Variants in XPNPEP3 observed in about 807,000 individuals in gnomAD.
XPNPEP3 encodes the protein xaa-Pro aminopeptidase 3.
XPNPEP3 carries 41 observed loss-of-function variants against 60.0 expected under a neutral mutation model. The ratio of observed to expected loss-of-function variants is 0.68; its 90% CI spans 0.53 to 0.89. The LOEUF is 0.89. Ranked by LOEUF, XPNPEP3 falls within the 40% of genes least tolerant of loss-of-function variation. The probability of loss-of-function intolerance (pLI) is 0.00; values close to 1 mark genes in which losing one functional copy is unlikely to be tolerated. For synonymous variants in XPNPEP3, 212 were observed against 223.2 expected, an observed-to-expected ratio of 0.95 and a Z score of 0.45; for missense variants, 598 against 638.9, an observed-to-expected ratio of 0.94 and a Z score of 0.69.
chr22:40,899,911 C>T (rs563434732), intron 4 of XPNPEP3, among the ~76,000 whole-genome samples: 64 of 151,828 alleles, frequency 4.2e-4, no homozygotes, highest in African/African-American at 1.3e-3. Flanking sequence ...TGGCATATGC[C>T]TGTAATCCCG....
At chr22:40,908,980 AG>A in intron 5 of XPNPEP3, 141 bp from the exon 6 acceptor site, 2 of 710,008 alleles carry the variant, frequency 2.8e-6, no homozygotes, top group East Asian at 5.3e-5. Flanking sequence ...ACAGCATAAA[AG>A]GTTTGGTTAG....
intron 9 of XPNPEP3, 148 bp from the exon 10 acceptor site, chr22:40,926,121 C>T: frequency 1.2e-6 from 1 of 806,190 alleles, no homozygotes; most frequent in Non-Finnish European, 2.1e-6. Context: ...TGTATTATCT[C>T]ATTTAATCCT....
chr22:40,889,922 T>C (rs1037908441), intron 4 of XPNPEP3, among the ~76,000 whole-genome samples: 3 of 152,226 alleles, frequency 2.0e-5, no homozygotes, highest in Non-Finnish European at 2.9e-5. Flanking sequence ...AATTACACTT[T>C]CTTGTGTTTT....
intron 4 of XPNPEP3, among the ~76,000 whole-genome samples, chr22:40,891,272 A>G (rs542639037): frequency 2.0e-5 from 3 of 151,666 alleles, no homozygotes; most frequent in African/African-American, 7.3e-5. Flanking sequence ...ACATGGGAAG[A>G]TCACTTGAGC....
chr22:40,901,396 G>A (rs1257367231), intron 4 of XPNPEP3, among the ~76,000 whole-genome samples: 1 of 151,872 alleles, frequency 6.6e-6, no homozygotes, highest in African/African-American at 2.4e-5. Flanking sequence ...CACCACGCCC[G>A]GCTAATTTTT....
At chr22:40,860,638 T>C in intron 1 of XPNPEP3, 3 of 1,317,700 alleles carry the variant, frequency 2.3e-6, no homozygotes, top group South Asian at 1.5e-5. Context: ...AAAAAACTCA[T>C]TGCAGTTTTC....
At chr22:40,868,731 A>G (rs974278673) in intron 1 of XPNPEP3, among the ~76,000 whole-genome samples, 13 of 152,052 alleles carry the variant, frequency 8.5e-5, no homozygotes, top group African/African-American at 2.9e-4. Flanking sequence ...CTGTAATCCC[A>G]GCTATGTAGG....
chr22:40,886,405 A>G lies in XPNPEP3; in HGVS notation c.682A>G (p.Lys228Glu), dbSNP rs1450621768. ...GCAGCCCCTGACTGAGGCCAAAGCCAAGAGCAAGAACAAGGTTCGGGGTGT... is the reference window on the plus strand; with the variant it reads ...GCAGCCCCTGACTGAGGCCAAAGCCGAGAGCAAGAACAAGGTTCGGGGTGT... ...YMQPLTEAKA[K>E]SKNKVRGVQQ... Residue 228 changes from lysine to glutamate, a missense_variant, in exon 4 of 10, where the codon AAG becomes GAG. By Grantham distance (56) the Lys-to-Glu change is moderately conservative (BLOSUM62 1). Coordinates refer to ENST00000357137, the MANE Select transcript of XPNPEP3 (RefSeq NM_022098.4). The G allele has an allele frequency of 1.2e-6, 2 of 1,614,176 alleles. No individual in the cohort carries two copies. The highest frequency in any genetic ancestry group is 1.7e-6 in the Non-Finnish European group (2 of 1,180,034).
At chr22:40,878,854 C>G (rs1569018947) in intron 2 of XPNPEP3, among the ~76,000 whole-genome samples, 1 of 152,038 alleles carries the variant, frequency 6.6e-6, no homozygotes, top group Non-Finnish European at 1.5e-5. Flanking sequence ...TCTCAAAGTG[C>G]TAGGATTATA....
intron 6 of XPNPEP3, among the ~76,000 whole-genome samples, chr22:40,912,396 C>G (rs756893569): frequency 2.2e-4 from 33 of 152,202 alleles, no homozygotes; most frequent in Admixed American, 5.9e-4. Context: ...CTTCCTAAGA[C>G]AGTTTCATAA....
At chr22:40,919,932 A>G (rs973261869) in intron 7 of XPNPEP3, among the ~76,000 whole-genome samples, 13 of 152,214 alleles carry the variant, frequency 8.5e-5, no homozygotes, top group Admixed American at 6.5e-4. Context: ...CTCACTGAGC[A>G]TAGATTATGT....
chr22:40,914,438 T>G, intron 7 of XPNPEP3, 114 bp downstream of exon 7: 1 of 929,636 alleles, frequency 1.1e-6, no homozygotes, highest in Non-Finnish European at 1.7e-6. Flanking sequence ...CCTGGTCAAG[T>G]TAGGTTGCAA....
chr22:40,895,300 A>C (rs2058103401), intron 4 of XPNPEP3, among the ~76,000 whole-genome samples: 1 of 150,114 alleles, frequency 6.7e-6, no homozygotes, highest in South Asian at 2.1e-4. Flanking sequence ...ATTGAAATGC[A>C]TTTCTTTTTT....
chr22:40,873,106 T>C (rs1342140068), intron 2 of XPNPEP3, among the ~76,000 whole-genome samples: 54 of 132,180 alleles, frequency 4.1e-4, no homozygotes, highest in African/African-American at 1.5e-3. Flanking sequence ...TTCTTTTTTT[T>C]TTTTTTTTTT....
chr22:40,915,200 A>G (rs2058191967), intron 7 of XPNPEP3, among the ~76,000 whole-genome samples: 1 of 151,936 alleles, frequency 6.6e-6, no homozygotes, highest in African/African-American at 2.4e-5. Context: ...ACAGGCACCC[A>G]CCACCACGCC....
intron 2 of XPNPEP3, among the ~76,000 whole-genome samples, chr22:40,877,373 T>A (rs1335104390): frequency 6.6e-6 from 1 of 152,208 alleles, no homozygotes; most frequent in Admixed American, 6.5e-5. Context: ...AAAATTCTAA[T>A]CTAGTTAGTT....
Position 40,869,046 on chromosome 22 carries a change from G to C in XPNPEP3, c.112G>C (p.Glu38Gln). ...QRRYSLQPVPERRIPNRYLGQ... is the reference protein window; with the variant it reads ...QRRYSLQPVPQRRIPNRYLGQ... ...AAGGTACTCCCTTCAGCCTGTCCCA[G>C]AAAGGAGGATTCCAAACCGATACTT... The change falls in exon 2 of 10, where the codon GAA becomes CAA. Residue 38 changes from glutamate (E) to glutamine (Q), a missense_variant. Glu to Gln is a conservative substitution (Grantham distance 29). Coordinates refer to ENST00000357137, the MANE Select transcript of XPNPEP3 (RefSeq NM_022098.4). The C allele has an allele frequency of 6.2e-7, 1 of 1,614,126 alleles. No homozygotes were observed. Among genetic ancestry groups the C allele is most frequent in the Non-Finnish European group, 8.5e-7 (1 of 1,180,006 alleles).
At chr22:40,918,670 C>T (rs1210980465) in intron 7 of XPNPEP3, among the ~76,000 whole-genome samples, 5 of 151,098 alleles carry the variant, frequency 3.3e-5, no homozygotes, top group African/African-American at 7.3e-5. Flanking sequence ...GGCAACAGAA[C>T]GAGACTCCAT....
chr22:40,867,776 C>T (rs2057985895), intron 1 of XPNPEP3, among the ~76,000 whole-genome samples: 1 of 151,920 alleles, frequency 6.6e-6, no homozygotes, highest in South Asian at 2.1e-4. Flanking sequence ...TTTTCTAAAG[C>T]ATCCAAACTG....
Sources: allele counts gnomAD v4.1 joint callset (sites outside exome capture counted in the v4.1 genomes callset), GRCh38; gene constraint gnomAD v4.1.1; transcripts MANE v1.5; gene names NCBI Gene and HGNC (gene_info 2026-07-23, HGNC 2026-07-21).